The following CFAP97 variants were observed in gnomAD, a reference collection of about 807,000 sequenced individuals.
The protein encoded by CFAP97 is cilia- and flagella-associated protein 97.
CFAP97 carries 36 observed loss-of-function variants against 43.1 expected under a neutral mutation model. The ratio of observed to expected loss-of-function variants is 0.84; its 90% CI spans 0.64 to 1.10. CFAP97 has a LOEUF of 1.10. Among genes scored for constraint, CFAP97 ranks in the 50% least tolerant of loss-of-function variants. CFAP97 has a pLI of 0.00. For synonymous variants in CFAP97, 228 were observed against 225.7 expected, an observed-to-expected ratio of 1.01 and a Z score of -0.09; for missense variants, 657 against 620.3, an observed-to-expected ratio of 1.06 and a Z score of -0.63.
chr4:185,189,035 C>T lies in CFAP97; in HGVS notation c.1054+1108G>A, dbSNP rs146158612. ...GGAGGTTTGCTTGAGGCCAGGAGTTCGACGCAGCCCGCGCAGCATAGTGAA... is the reference window on the plus strand; with the variant it reads ...GGAGGTTTGCTTGAGGCCAGGAGTTTGACGCAGCCCGCGCAGCATAGTGAA... On this transcript the variant is annotated intron_variant, in intron 2 of 4. Coordinates refer to ENST00000458385, the MANE Select transcript of CFAP97 (RefSeq NM_020827.3). 1.9e-3 allele frequency among the ~76,000 whole-genome samples: 290 copies of T among 152,122 alleles called. 1 individual carries two copies. Among genetic ancestry groups the T allele is most frequent in the African/African-American group, 6.1e-3 (253 of 41,520 alleles).
intron 1 of CFAP97, among the ~76,000 whole-genome samples, chr4:185,191,658 C>T (rs879699567): frequency 2.6e-5 from 4 of 152,076 alleles, no homozygotes; most frequent in Admixed American, 1.3e-4. Flanking sequence ...GGTGAAACCC[C>T]GTCTCTACTA....
At position 185,185,697 on chromosome 4, in the gene CFAP97, C is replaced by T. The variant is rs766502817; in HGVS notation, c.1054+4446G>A. Reference sequence around the variant, plus strand: ...TGTCTCCTAGGTTGGAATGGAGTGGCGTGATCTCAGTTCACTGCAACCTCC... The same window carrying T: ...TGTCTCCTAGGTTGGAATGGAGTGGTGTGATCTCAGTTCACTGCAACCTCC... On this transcript the variant is annotated intron_variant, in intron 2 of 4. Transcript: ENST00000458385. Among the ~76,000 whole-genome samples, 28 of 133,630 alleles carry T rather than the reference C, an allele frequency of 2.1e-4. No homozygotes were observed. The South Asian group carries it at 2.2e-3, about 10-fold the overall frequency. 87.7% of individuals were successfully genotyped at this position (133,630 alleles called of 152,430 possible). A position where few individuals can be genotyped will look rare whatever the true frequency, so the allele number is the denominator to read the frequency against.
Position 185,190,957 on chromosome 4 carries a change from G to GT in CFAP97, c.239_240insA (p.Val81ArgfsTer4). 6.2e-7 allele frequency: 1 copy of GT among 1,613,028 alleles called. No homozygotes were observed. The highest frequency in any genetic ancestry group is 8.5e-7 in the Non-Finnish European group (1 of 1,179,386). ...CAGTTTGTGTAACATCATTCTCTAC[G>GT]GGGTGTTCTGGGGGAAATTTCACGT... On this transcript the variant is annotated frameshift_variant, in exon 2 of 5. Transcript: ENST00000458385. LOFTEE classifies it high-confidence loss of function.
Position 185,162,228 on chromosome 4 carries a change from G to A in CFAP97, c.*570C>T, listed in dbSNP as rs1734896767. ...TATACAACAACTAGATACCTCTGGT[G>A]AATTACAAGAATTGCTCCAATAGAA... is the stretch of plus-strand genomic sequence containing the variant. On this transcript the variant is annotated 3_prime_UTR_variant, in exon 5 of 5. Transcript: ENST00000458385. 5.2e-5 allele frequency: 8 copies of A among 152,784 alleles called. No individual in the cohort carries two copies. 9.5% of individuals were successfully genotyped at this position (152,784 alleles called of 1,614,324 possible).
At position 185,162,723 on chromosome 4, in the gene CFAP97, C is replaced by T. The variant is rs2111306054; in HGVS notation, c.*75G>A. The T allele has an allele frequency of 3.4e-6, 5 of 1,470,262 alleles. No individual in the cohort carries two copies. In the South Asian group the frequency reaches 6.0e-5, roughly 18 times the overall value. The allele number at this position is 1,470,262 out of a possible 1,614,324, so 91.1% of individuals were successfully genotyped here. A position where few individuals can be genotyped will look rare whatever the true frequency, so the allele number is the denominator to read the frequency against. ...GCTAAAACGGTATTCTAGATGTTTA[C>T]ACAGAGAATTATAGGAATATGCACG... On this transcript the variant is annotated 3_prime_UTR_variant, in exon 5 of 5. Transcript: ENST00000458385.
upstream of CFAP97, among the ~76,000 whole-genome samples, chr4:185,208,924 C>A (rs1183135733): frequency 6.6e-6 from 1 of 152,150 alleles, no homozygotes; most frequent in Non-Finnish European, 1.5e-5. Flanking sequence ...CAAATATATA[C>A]TCTAAAAATT....
rs141482103 is a variant in CFAP97 at position 185,190,858 on chromosome 4, G to A, written c.339C>T (p.His113=). The change falls in exon 2 of 5, where the codon CAC becomes CAT. Residue 113 remains histidine, a synonymous_variant. Transcript: ENST00000458385. ...TGGGAATTCTATTTGGAATGGACAC[G>A]TGTATTTTAAGTCCTGTTGTAACAT... ...LCDVTTGLKI[H]VSIPNRIPKI... 4.2e-4 allele frequency: 683 copies of A among 1,611,406 alleles called. 3 individuals carry two copies. The African/African-American group carries it at 7.9e-3, about 19-fold the overall frequency.
chr4:185,169,551 T>C (rs561657665), intron 3 of CFAP97: 2 of 930,410 alleles, frequency 2.1e-6, no homozygotes, highest in South Asian at 5.0e-5. Flanking sequence ...TACAGCAGTA[T>C]GAAAATGGAC....
chr4:185,201,094 T>TG (rs1275519457), intron 1 of CFAP97, among the ~76,000 whole-genome samples: 1 of 151,992 alleles, frequency 6.6e-6, no homozygotes, highest in Non-Finnish European at 1.5e-5. Flanking sequence ...GAGGCCGAGG[T>TG]GGGTGGATCA....
intron 2 of CFAP97, among the ~76,000 whole-genome samples, chr4:185,186,899 T>A (rs916963346): frequency 6.6e-6 from 1 of 152,206 alleles, no homozygotes; most frequent in Non-Finnish European, 1.5e-5. Context: ...TAAAAATCGT[T>A]GTGTTAGAGC....
At chr4:185,184,314 C>G (rs193208406) in intron 2 of CFAP97, among the ~76,000 whole-genome samples, 1 of 152,358 alleles carries the variant, frequency 6.6e-6, no homozygotes, top group East Asian at 1.9e-4. Flanking sequence ...TTTCCTCCTA[C>G]TTCACAGATC....
intron 1 of CFAP97, among the ~76,000 whole-genome samples, chr4:185,195,994 T>C (rs1736520908): frequency 6.6e-6 from 1 of 152,204 alleles, no homozygotes. Flanking sequence ...TACTTTGTTG[T>C]GTGGTTAAGA....
intron 3 of CFAP97, among the ~76,000 whole-genome samples, chr4:185,174,281 C>A: frequency 6.6e-6 from 1 of 152,282 alleles, no homozygotes; most frequent in East Asian, 1.9e-4. Flanking sequence ...CAAATTTCCA[C>A]GAAACATGAA....
chr4:185,199,763 A>C (rs1736740077), intron 1 of CFAP97, among the ~76,000 whole-genome samples: 1 of 152,198 alleles, frequency 6.6e-6, no homozygotes, highest in Non-Finnish European at 1.5e-5. Flanking sequence ...AGCCCAAATG[A>C]CAGCACACCT....
chr4:185,188,403 C>T (rs1471356584), intron 2 of CFAP97, among the ~76,000 whole-genome samples: 5 of 151,408 alleles, frequency 3.3e-5, no homozygotes, highest in Admixed American at 6.6e-5. Context: ...AGTGCAGTGG[C>T]ACAATCTCAG....
At position 185,178,994 on chromosome 4, in the gene CFAP97, C is replaced by A. The variant is rs190586893; in HGVS notation, c.1055-2943G>T. 2.8e-4 allele frequency among the ~76,000 whole-genome samples: 42 copies of A among 152,000 alleles called. No homozygotes were observed. The East Asian group carries it at 6.0e-3, about 22-fold the overall frequency. On this transcript the variant is annotated intron_variant, in intron 2 of 4. Coordinates refer to ENST00000458385, the MANE Select transcript of CFAP97 (RefSeq NM_020827.3). ...CAGTAAGAACGGACAAAGAGAGGGG[C>A]GCTAAAAAAATCATAAAAAGAACTG...
chr4:185,191,557 C>T (rs1190686060), intron 1 of CFAP97, among the ~76,000 whole-genome samples: 1 of 152,172 alleles, frequency 6.6e-6, no homozygotes, highest in Admixed American at 6.6e-5. Context: ...AAAGGCCGGG[C>T]GCGGTGGCTC....
At chr4:185,205,241 G>A (rs1050059572), upstream of CFAP97, among the ~76,000 whole-genome samples, 2 of 152,214 alleles carry the variant, frequency 1.3e-5, no homozygotes, top group Non-Finnish European at 2.9e-5. Flanking sequence ...GGGGCCCCCT[G>A]AGAGGAGTTC....
At position 185,162,698 on chromosome 4, in the gene CFAP97, G is replaced by C; in HGVS notation, c.*100C>G. On this transcript the variant is annotated 3_prime_UTR_variant, in exon 5 of 5. Coordinates refer to ENST00000458385, the MANE Select transcript of CFAP97 (RefSeq NM_020827.3). The stretch of plus-strand genomic sequence containing the variant: ...AACTCACTGTTGTACACCTTCAATT[G>C]CTAAAACGGTATTCTAGATGTTTAC... 7.7e-7 allele frequency: 1 copy of C among 1,297,462 alleles called. No individual in the cohort carries two copies. 80.4% of individuals were successfully genotyped at this position (1,297,462 alleles called of 1,614,324 possible).
Sources: allele counts gnomAD v4.1 joint callset (sites outside exome capture counted in the v4.1 genomes callset), GRCh38; gene constraint gnomAD v4.1.1; transcripts MANE v1.5; gene names NCBI Gene and HGNC (gene_info 2026-07-23, HGNC 2026-07-21).